HS6ST3: variants seen among roughly 807,000 people sequenced by gnomAD.
HS6ST3 encodes heparan sulfate 6-O-sulfotransferase 3.
Under a neutral mutation model 36.7 loss-of-function variants are expected in HS6ST3, and 12 were observed. The observed-to-expected ratio is 0.33, with a 90% CI of 0.21 to 0.53. The LOEUF (loss-of-function observed/expected upper bound fraction) is 0.53. HS6ST3 is among the 20% of genes least tolerant of loss of function. The pLI, the probability that HS6ST3 is intolerant of heterozygous loss-of-function variation, is 0.95. For synonymous variants in HS6ST3, 240 were observed against 257.5 expected (o/e 0.93, Z 0.65); for missense variants, 584 against 640.9 (o/e 0.91, Z 0.96).
intron 1 of HS6ST3, among the ~76,000 whole-genome samples, chr13:96,468,847 T>G (rs541114150): frequency 9.2e-5 from 14 of 152,296 alleles, no homozygotes; most frequent in African/African-American, 3.4e-4. Context: ...TCACTGAGCT[T>G]CTCTCTTTGG....
At chr13:96,441,214 T>G (rs141405776) in intron 1 of HS6ST3, among the ~76,000 whole-genome samples, 189 of 152,316 alleles carry the variant, frequency 1.2e-3, no homozygotes, top group African/African-American at 4.3e-3. Flanking sequence ...CTTGTTGTTT[T>G]GAAGCCTCCC....
intron 1 of HS6ST3, among the ~76,000 whole-genome samples, chr13:96,623,525 A>T (rs898216752): frequency 6.6e-6 from 1 of 152,032 alleles, no homozygotes; most frequent in African/African-American, 2.4e-5. Context: ...ATATGTAGCC[A>T]GTCTTGTTCA....
At chr13:96,419,946 G>A (rs769012301) in intron 1 of HS6ST3, among the ~76,000 whole-genome samples, 8 of 152,132 alleles carry the variant, frequency 5.3e-5, no homozygotes, top group Admixed American at 6.5e-5. Flanking sequence ...ATATTCACAA[G>A]TACTAAGGGA....
chr13:96,642,578 T>C (rs185732057), intron 1 of HS6ST3, among the ~76,000 whole-genome samples: 9 of 152,028 alleles, frequency 5.9e-5, no homozygotes, highest in African/African-American at 1.9e-4. Context: ...GCTAGTTTCC[T>C]TTTATTCTTT....
intron 1 of HS6ST3, among the ~76,000 whole-genome samples, chr13:96,529,120 G>T (rs1322821763): frequency 6.6e-6 from 1 of 152,050 alleles, no homozygotes; most frequent in Non-Finnish European, 1.5e-5. Flanking sequence ...AATATTTTGG[G>T]ATTCTTCAAT....
chr13:96,313,406 G>A (rs74926944), intron 1 of HS6ST3, among the ~76,000 whole-genome samples: 3,817 of 151,870 alleles, frequency 0.025, 162 homozygotes, highest in African/African-American at 0.089. Context: ...AGGCTCCAGA[G>A]CTACCTCTTT....
chr13:96,610,111 C>T (rs2056452539), intron 1 of HS6ST3, among the ~76,000 whole-genome samples: 1 of 152,124 alleles, frequency 6.6e-6, no homozygotes, highest in Admixed American at 6.5e-5. Flanking sequence ...CATTAAATAG[C>T]CTGGTTCAAA....
intron 1 of HS6ST3, among the ~76,000 whole-genome samples, chr13:96,567,339 G>C (rs1296285446): frequency 6.6e-6 from 1 of 152,098 alleles, no homozygotes; most frequent in Non-Finnish European, 1.5e-5. Flanking sequence ...AAAATAATGA[G>C]TTACCAGAGA....
intron 1 of HS6ST3, among the ~76,000 whole-genome samples, chr13:96,644,551 C>T (rs2056581314): frequency 6.6e-6 from 1 of 151,976 alleles, no homozygotes; most frequent in South Asian, 2.1e-4. Context: ...TCTGCCAGGG[C>T]TCATGTGAGA....
At chr13:96,411,249 T>C (rs931159237) in intron 1 of HS6ST3, among the ~76,000 whole-genome samples, 5 of 152,298 alleles carry the variant, frequency 3.3e-5, no homozygotes, top group East Asian at 1.9e-4. Context: ...CTGAGTGATC[T>C]TGACCAACGA....
At chr13:96,702,525 G>C (rs1875316241) in intron 1 of HS6ST3, among the ~76,000 whole-genome samples, 1 of 152,170 alleles carries the variant, frequency 6.6e-6, no homozygotes, top group South Asian at 2.1e-4. Context: ...GTCTAATCTT[G>C]AACCTTCCAG....
rs1460651465 is a variant in HS6ST3 at position 96,187,560 on chromosome 13, C to T, written c.707+95991C>T. On this transcript the variant is annotated intron_variant, in intron 1 of 1. Transcript: ENST00000376705. ...TTTACTTGATGTGACTGCAGTGCCC[C>T]GTGGCTTCATATTAGGTTATAGAAT... Among the ~76,000 whole-genome samples the T allele has an allele frequency of 1.1e-4, 17 of 152,176 alleles. No individual in the cohort carries two copies. The East Asian group carries it at 1.4e-3, about 12-fold the overall frequency.
At chr13:96,831,977 A>AAAAAAAAAAAAAAAAAAAC (rs1555326624) in intron 1 of HS6ST3, among the ~76,000 whole-genome samples, 1 of 115,978 alleles carries the variant, frequency 8.6e-6, no homozygotes, top group African/African-American at 3.3e-5. Context: ...AAAAAAAAAA[A>AAAAAAAAAAAAAAAAAAAC]AAACAGAGAT....
At chr13:96,701,184 T>C (rs567818456) in intron 1 of HS6ST3, among the ~76,000 whole-genome samples, 6 of 152,364 alleles carry the variant, frequency 3.9e-5, no homozygotes, top group African/African-American at 1.4e-4. Context: ...AGTACTATAC[T>C]TACCAAAGTC....
At chr13:96,315,008 G>A (rs1278768582) in intron 1 of HS6ST3, among the ~76,000 whole-genome samples, 1 of 152,040 alleles carries the variant, frequency 6.6e-6, no homozygotes, top group African/African-American at 2.4e-5. Context: ...AATTTCCCAA[G>A]TCTAACACTA....
chr13:96,689,787 G>A (rs1566430440), intron 1 of HS6ST3, among the ~76,000 whole-genome samples: 2 of 62,160 alleles, frequency 3.2e-5, no homozygotes, highest in Non-Finnish European at 7.1e-5. Context: ...CCAGAAGTTT[G>A]TCAATGGATG....
chr13:96,772,876 A>C (rs1394187287), intron 1 of HS6ST3, among the ~76,000 whole-genome samples: 1 of 152,170 alleles, frequency 6.6e-6, no homozygotes, highest in Non-Finnish European at 1.5e-5. Flanking sequence ...AATTCCTGGC[A>C]AGATAGCCGA....
intron 1 of HS6ST3, among the ~76,000 whole-genome samples, chr13:96,555,862 G>T (rs909640100): frequency 5.3e-5 from 8 of 151,994 alleles, no homozygotes; most frequent in African/African-American, 1.9e-4. Flanking sequence ...AGCAAGATGT[G>T]GAAGTCAATA....
At chr13:96,106,358 GCT>G (rs147780978) in intron 1 of HS6ST3, among the ~76,000 whole-genome samples, 5 of 149,898 alleles carry the variant, frequency 3.3e-5, no homozygotes, top group Non-Finnish European at 3.0e-5. Context: ...TCTGTCTCTT[GCT>G]CTCTCTCTCT....
Sources: gnomAD v4.1 joint callset for allele counts (sites outside exome capture counted in the v4.1 genomes callset) on GRCh38, gnomAD v4.1.1 for gene constraint, MANE v1.5 for transcripts, NCBI Gene and HGNC (gene_info 2026-07-23, HGNC 2026-07-21) for gene names.